TTN: variants seen among roughly 807,000 people sequenced by gnomAD.
The protein encoded by TTN is connectin.
In TTN, 1,525 loss-of-function variants were observed where a neutral mutation model predicts 3,223.0. The ratio of observed to expected loss-of-function variants is 0.47; its 90% CI spans 0.45 to 0.49. TTN has a LOEUF of 0.49. Among genes scored for constraint, TTN ranks in the 20% least tolerant of loss-of-function variants. TTN has a pLI of 0.00. For synonymous variants in TTN, 14,094 were observed against 15,161.0 expected, an observed-to-expected ratio of 0.93 and a Z score of 5.17; for missense variants, 40,786 against 43,424.0, an observed-to-expected ratio of 0.94 and a Z score of 5.40.
intron 333 of TTN, 38 bp from the exon 334 acceptor site, chr2:178,553,845 A>G (rs1439565339): frequency 5.1e-6 from 8 of 1,563,688 alleles, no homozygotes; most frequent in Non-Finnish European, 2.6e-6. Flanking sequence ...TTACACAATC[A>G]TGTACAATTT....
chr2:178,717,107 G>A lies in TTN; in HGVS notation c.25627C>T (p.Leu8543=). The change falls in exon 88 of 363, where the codon CTG becomes TTG. Residue 8543 remains leucine (L), a synonymous_variant. Coordinates refer to ENST00000589042, the MANE Select transcript of TTN (RefSeq NM_001267550.2). ...CTCTAACAAGTACCTTGTACACCCA[G>A]CTGAGCAGAACAAGAGTCTTTTCCA... ...IAGKDSCSAQ[L]GVQEPPRFIK... 6.2e-7 allele frequency: 1 copy of A among 1,611,930 alleles called. No individual in the cohort carries two copies. The highest frequency in any genetic ancestry group is 8.5e-7 in the Non-Finnish European group (1 of 1,178,434).
At chr2:178,750,533 T>C in intron 47 of TTN, 2 of 1,612,690 alleles carry the variant, frequency 1.2e-6, no homozygotes, top group Non-Finnish European at 1.7e-6. Context: ...GTCACCTTCA[T>C]AAACTTCTTG....
rs780196850 is a variant in TTN, at chr2:178,568,353, T to C, written c.77779A>G (p.Ile25927Val). ...GTGGTTGTATCTCTTTTCTGAACAA[T>C]GTAGTTGGTGATTTGGCAGCCCCCT... ...YTGGCQITNY[I>V]VQKRDTTTTV... The change falls in exon 326 of 363, where the codon ATT becomes GTT. Residue 25927 changes from isoleucine to valine, a missense_variant. By Grantham distance (29) the Ile-to-Val change is conservative. Transcript: ENST00000589042. The C allele has an allele frequency of 2.0e-5, 32 of 1,613,292 alleles. No homozygotes were observed. Among genetic ancestry groups the C allele is most frequent in the Non-Finnish European group, 2.6e-5 (31 of 1,179,616 alleles).
At chr2:178,641,474 T>C (rs1280741769) in intron 219 of TTN, 159 bp from the exon 220 acceptor site, 1 of 457,634 alleles carries the variant, frequency 2.2e-6, no homozygotes, top group African/African-American at 2.1e-5. Flanking sequence ...GTGTTTTTTG[T>C]TTTGTTTTTT....
chr2:178,675,178 T>A (rs2067782572), intron 149 of TTN, 65 bp from the exon 150 acceptor site: 1 of 1,030,546 alleles, frequency 9.7e-7, no homozygotes, highest in African/African-American at 1.7e-5. Context: ...AAAGACCACG[T>A]TTCCAGTTTC....
chr2:178,569,090 T>C lies in TTN; in HGVS notation c.77042A>G (p.Tyr25681Cys), dbSNP rs988101069. 1.2e-6 allele frequency: 2 copies of C among 1,613,330 alleles called. No individual in the cohort carries two copies. The highest frequency in any genetic ancestry group is 2.7e-5 in the African/African-American group (2 of 74,896). The change falls in exon 326 of 363, where the codon TAT becomes TGT. Residue 25681 changes from tyrosine to cysteine, a missense_variant. By Grantham distance (194) the Tyr-to-Cys change is radical. Coordinates refer to ENST00000589042, the MANE Select transcript of TTN (RefSeq NM_001267550.2). Reference sequence around the variant, plus strand: ...AGTCTGGGCAGGAAGGCCAATACCATACTCATTCTCAGCTGTGACTCTAAA... The same window carrying C: ...AGTCTGGGCAGGAAGGCCAATACCACACTCATTCTCAGCTGTGACTCTAAA... Reference protein sequence around the residue: ...YYFRVTAENEYGIGLPAQTAD... With the variant: ...YYFRVTAENECGIGLPAQTAD...
At position 178,611,745 on chromosome 2, in the gene TTN, C is replaced by G; in HGVS notation, c.50551+13G>C. ...TTCTAGACAATATCTTGTGTATAAT[C>G]AGCACTACTTACTTGTTGGATCTTC... On this transcript the variant is annotated intron_variant, in intron 268 of 362. Coordinates refer to ENST00000589042, the MANE Select transcript of TTN (RefSeq NM_001267550.2). 1 of 1,611,434 alleles carries G rather than the reference C, an allele frequency of 6.2e-7. No homozygotes were observed. The highest frequency in any genetic ancestry group is 8.5e-7 in the Non-Finnish European group (1 of 1,178,722).
intron 262 of TTN, 51 bp downstream of exon 262, chr2:178,614,001 A>C: frequency 6.2e-7 from 1 of 1,609,330 alleles, no homozygotes; most frequent in South Asian, 1.1e-5. Context: ...ACCAAAATGC[A>C]AGTTTGACAT....
In TTN at chr2:178,746,302, G is replaced by T. The variant is rs764383815; in HGVS notation, c.11312-4381C>A. 1 of 1,612,350 alleles carries T rather than the reference G, an allele frequency of 6.2e-7. No individual in the cohort carries two copies. Among genetic ancestry groups the T allele is most frequent in the Non-Finnish European group, 8.5e-7 (1 of 1,179,376 alleles). ...CTTCTAAATCAATTTTTAGTTCTTT[G>T]TCTTCTCCCTCCCTTGAATCCATAT... On this transcript the variant is annotated intron_variant, in intron 47 of 362. Transcript: ENST00000589042.
In TTN at chr2:178,729,683, G is replaced by T. The variant is rs755474413; in HGVS notation, c.18570C>A (p.Ser6190Arg). The T allele has an allele frequency of 3.1e-6, 5 of 1,613,584 alleles. No homozygotes were observed. The South Asian group carries it at 4.4e-5, about 14-fold the overall frequency. Residue 6190 changes from serine (S) to arginine (R), a missense_variant, in exon 63 of 363, where the codon AGC becomes AGA. By Grantham distance (110) the Ser-to-Arg change is moderately radical. Coordinates refer to ENST00000589042, the MANE Select transcript of TTN (RefSeq NM_001267550.2). ...ACGAACCTTTCACTTTGAGTTCAATGCTGCAGCTCGCCGTGCCTGCGTCAT... is the reference window on the plus strand; with the variant it reads ...ACGAACCTTTCACTTTGAGTTCAATTCTGCAGCTCGCCGTGCCTGCGTCAT... ...ARNDAGTASC[S>R]IELKVKEPPT...
rs1452847129 is a variant in TTN, at chr2:178,537,672, C to A, written c.99535G>T (p.Val33179Phe). The change falls in exon 355 of 363, where the codon GTT (valine) becomes TTT (phenylalanine). Residue 33179 changes from valine (V) to phenylalanine (F), a missense_variant. Transcript: ENST00000589042. Reference sequence around the variant, plus strand: ...TTACTACTGGTTTCTACTTCTCCAACCTCATTGGTGGCTATGCAGGTATAA... The same window carrying A: ...TTACTACTGGTTTCTACTTCTCCAAACTCATTGGTGGCTATGCAGGTATAA... ...GVYTCIATNE[V>F]GEVETSSKLL... 1 of 1,613,696 alleles carries A rather than the reference C, an allele frequency of 6.2e-7. No homozygotes were observed. The highest frequency in any genetic ancestry group is 1.3e-5 in the African/African-American group (1 of 74,916).
At chr2:178,699,853 G>A (rs1409288201) in intron 111 of TTN, among the ~76,000 whole-genome samples, 2 of 145,632 alleles carry the variant, frequency 1.4e-5, no homozygotes, top group East Asian at 2.0e-4. Flanking sequence ...CAGCCTCTCT[G>A]AGTAGCTGGG....
rs1704959686 is a variant in TTN at position 178,564,545 on chromosome 2, T to G, written c.81587A>C (p.Tyr27196Ser). Residue 27196 changes from tyrosine to serine, a missense_variant, in exon 326 of 363, where the codon TAT becomes TCT. By Grantham distance (144) the Tyr-to-Ser change is moderately radical. Transcript: ENST00000589042. ...ACCTGTTATTTTGCTACCACCATCATAGGCAGGTTTCTTCCATTTCAGTGT... is the reference window on the plus strand; with the variant it reads ...ACCTGTTATTTTGCTACCACCATCAGAGGCAGGTTTCTTCCATTTCAGTGT... ...NVTLKWKKPAYDGGSKITGYI... is the reference protein window; with the variant it reads ...NVTLKWKKPASDGGSKITGYI... The G allele has an allele frequency of 1.2e-6, 2 of 1,613,200 alleles. No individual in the cohort carries two copies. The highest frequency in any genetic ancestry group is 3.3e-5 in the Admixed American group (2 of 59,938).
In TTN at chr2:178,774,364, A is replaced by G. The variant is rs1240968833; in HGVS notation, c.6900T>C (p.Tyr2300=). The G allele has an allele frequency of 1.9e-6, 3 of 1,614,094 alleles. No homozygotes were observed. The highest frequency in any genetic ancestry group is 1.7e-6 in the Non-Finnish European group (2 of 1,179,976). ...TGGATTTAAGCTCCACATCATTATGATACCATTTTCCTTCTATATTTTCTG... is the reference window on the plus strand; with the variant it reads ...TGGATTTAAGCTCCACATCATTATGGTACCATTTTCCTTCTATATTTTCTG... ...VSPENIEGKW[Y]HNDVELKSNG... is the part of the protein sequence containing the mutation. The change falls in exon 30 of 363, where the codon TAT becomes TAC. Residue 2300 remains tyrosine (Y), a synonymous_variant. Coordinates refer to ENST00000589042, the MANE Select transcript of TTN (RefSeq NM_001267550.2).
intron 11 of TTN, 64 bp downstream of exon 11, chr2:178,790,644 A>G: frequency 1.9e-6 from 3 of 1,612,172 alleles, no homozygotes; most frequent in East Asian, 4.5e-5. Context: ...CCATGATGAA[A>G]ATGTAGGTGA....
chr2:178,719,885 A>T (rs1022503214), intron 81 of TTN, 53 bp from the exon 82 acceptor site: 5 of 1,559,630 alleles, frequency 3.2e-6, no homozygotes, highest in Non-Finnish European at 4.3e-6. Context: ...CAAACTCAAG[A>T]GTGCAATCAC....
intron 48 of TTN, 109 bp from the exon 49 acceptor site, chr2:178,738,469 G>A: frequency 7.5e-7 from 1 of 1,329,324 alleles, no homozygotes; most frequent in East Asian, 2.5e-5. Context: ...GTTGAAATTG[G>A]TGAGATGGAT....
chr2:178,708,010 T>G lies in TTN; in HGVS notation c.28754-197A>C, dbSNP rs138864609. On this transcript the variant is annotated intron_variant, in intron 99 of 362. Coordinates refer to ENST00000589042, the MANE Select transcript of TTN (RefSeq NM_001267550.2). The stretch of plus-strand genomic sequence containing the variant: ...TTGGATTTTTTAAAAAGATAAAGGT[T>G]TAAAAACAAGCAAAGAACACATCAC... Among the ~76,000 whole-genome samples, 102 of 152,246 alleles carry G rather than the reference T, an allele frequency of 6.7e-4. No individual in the cohort carries two copies. In the Middle Eastern group the frequency reaches 0.01, roughly 15 times the overall value.
chr2:178,751,869 T>G, intron 47 of TTN: 6 of 1,607,964 alleles, frequency 3.7e-6, no homozygotes, highest in Non-Finnish European at 5.1e-6. Flanking sequence ...TATTTAAATG[T>G]AAGTTTCTGG....
Sources: allele counts gnomAD v4.1 joint callset (sites outside exome capture counted in the v4.1 genomes callset), GRCh38; gene constraint gnomAD v4.1.1; transcripts MANE v1.5; gene names NCBI Gene and HGNC (gene_info 2026-07-23, HGNC 2026-07-21).